The following INTS8 variants were observed in gnomAD, a reference collection of about 807,000 sequenced individuals.
The protein encoded by INTS8 is protein kaonashi-1.
Under a neutral mutation model 138.9 loss-of-function variants are expected in INTS8, and 47 were observed. That is an observed-to-expected ratio of 0.34 (90% CI 0.27 to 0.43). The LOEUF (loss-of-function observed/expected upper bound fraction) is 0.43, where lower values mean the gene tolerates loss of function less well. INTS8 is among the 20% of genes least tolerant of loss of function. INTS8 has a pLI of 1.00. For missense variants in INTS8, 996 were observed against 1,173.0 expected (o/e 0.85, Z 2.20); for synonymous variants, 392 against 400.9 (o/e 0.98, Z 0.27).
intron 10 of INTS8, among the ~76,000 whole-genome samples, chr8:94,845,344 C>T (rs560588052): frequency 3.9e-5 from 6 of 152,162 alleles, no homozygotes; most frequent in East Asian, 3.9e-4. Context: ...TATTGTATGC[C>T]GGGTGTTTAT....
chr8:94,859,484 C>G (rs765098419), intron 15 of INTS8, 27 bp from the exon 16 acceptor site: 1 of 1,604,770 alleles, frequency 6.2e-7, no homozygotes, highest in South Asian at 1.1e-5. Context: ...GATGGTAATT[C>G]CAACTGTTTT....
At chr8:94,856,477 T>C (rs1330471289) in intron 14 of INTS8, among the ~76,000 whole-genome samples, 1 of 152,258 alleles carries the variant, frequency 6.6e-6, no homozygotes, top group Admixed American at 6.5e-5. Context: ...GTGCTTGTTA[T>C]AGAATTTACA....
chr8:94,869,099 C>T (rs1412310969), intron 20 of INTS8, among the ~76,000 whole-genome samples: 1 of 151,736 alleles, frequency 6.6e-6, no homozygotes, highest in African/African-American at 2.4e-5. Flanking sequence ...TCTCCTGCCT[C>T]AGGCTCCCGA....
rs183337632 is a variant in INTS8 at position 94,827,259 on chromosome 8, C to A, written c.306-4C>A. The A allele has an allele frequency of 1.6e-5, 26 of 1,612,326 alleles. No individual in the cohort carries two copies. The East Asian group carries it at 5.8e-4, about 36-fold the overall frequency. On this transcript the variant is annotated splice_region_variant and splice_polypyrimidine_tract_variant and intron_variant, in intron 2 of 26. Coordinates refer to ENST00000523731, the MANE Select transcript of INTS8 (RefSeq NM_017864.4). ...TGCAAACATGTACGTTTTGCTTCTT[C>A]AAGTTTGTCTGTTCCAGTATTGAAT... is the stretch of plus-strand genomic sequence containing the variant.
chr8:94,876,519 T>C, intron 26 of INTS8, 30 bp downstream of exon 26: 2 of 1,411,704 alleles, frequency 1.4e-6, no homozygotes, highest in Non-Finnish European at 2.0e-6. Context: ...TCTTCAGTGG[T>C]ACAGTTTCCA....
At chr8:94,829,369 C>T (rs1290419752) in intron 5 of INTS8, among the ~76,000 whole-genome samples, 1 of 151,870 alleles carries the variant, frequency 6.6e-6, no homozygotes, top group African/African-American at 2.4e-5. Flanking sequence ...CATTAATTCT[C>T]ACAAGGAGGA....
At chr8:94,872,431 G>A (rs183483572) in intron 21 of INTS8, among the ~76,000 whole-genome samples, 23 of 152,148 alleles carry the variant, frequency 1.5e-4, no homozygotes, top group East Asian at 3.9e-4. Flanking sequence ...ACGGGTTTTC[G>A]CCATGTTGGC....
chr8:94,877,331 A>G (rs1293632459), intron 26 of INTS8, among the ~76,000 whole-genome samples: 1 of 152,190 alleles, frequency 6.6e-6, no homozygotes, highest in Non-Finnish European at 1.5e-5. Flanking sequence ...GGTCTTTTAA[A>G]CTTTGTACTC....
In INTS8 at chr8:94,842,065, T is replaced by C. The variant is rs111664449; in HGVS notation, c.1119-282T>C. On this transcript the variant is annotated intron_variant, in intron 9 of 26. Transcript: ENST00000523731. Reference sequence around the variant, plus strand: ...GCCTGGGTGACAAAGCAAGACTCCGTCTCAAAAGAAAAAAAAAAAAAAACT... The same window carrying C: ...GCCTGGGTGACAAAGCAAGACTCCGCCTCAAAAGAAAAAAAAAAAAAAACT... Among the ~76,000 whole-genome samples, 730 of 143,210 alleles carry C rather than the reference T, an allele frequency of 5.1e-3. 3 individuals carry two copies. Among genetic ancestry groups the C allele is most frequent in the African/African-American group, 0.017 (668 of 38,484 alleles). The allele number at this position is 143,210 out of a possible 152,430, so 94.0% of individuals were successfully genotyped here. A position where few individuals can be genotyped will look rare whatever the true frequency, so the allele number is the denominator to read the frequency against.
intron 18 of INTS8, 33 bp from the exon 19 acceptor site, chr8:94,867,107 C>T (rs1189467495): frequency 6.7e-7 from 1 of 1,498,924 alleles, no homozygotes; most frequent in East Asian, 2.3e-5. Context: ...TATACATACA[C>T]TGTTTAAGGA....
chr8:94,839,459 T>A (rs886077655), intron 8 of INTS8, among the ~76,000 whole-genome samples: 2 of 152,256 alleles, frequency 1.3e-5, no homozygotes, highest in African/African-American at 4.8e-5. Flanking sequence ...CTTAGTTTTG[T>A]GTCTCCAATT....
At chr8:94,850,766 T>C (rs1157725919) in intron 12 of INTS8, among the ~76,000 whole-genome samples, 4 of 152,182 alleles carry the variant, frequency 2.6e-5, no homozygotes, top group Non-Finnish European at 4.4e-5. Context: ...TGTCAGTCTA[T>C]ATCACTGTGC....
At chr8:94,854,868 A>G (rs997640870) in intron 14 of INTS8, among the ~76,000 whole-genome samples, 1 of 151,590 alleles carries the variant, frequency 6.6e-6, no homozygotes, top group African/African-American at 2.4e-5. Flanking sequence ...AGTAGCTGGA[A>G]CCACAGGCAT....
At chr8:94,873,680 A>C (rs989243889) in intron 22 of INTS8, 2 of 492,980 alleles carry the variant, frequency 4.1e-6, no homozygotes. Context: ...AACACCTCAA[A>C]TTCAACTTGT....
intron 10 of INTS8, among the ~76,000 whole-genome samples, chr8:94,849,258 T>C (rs1001643744): frequency 2.0e-5 from 3 of 152,210 alleles, no homozygotes; most frequent in Admixed American, 2.0e-4. Flanking sequence ...CCTGCACTTA[T>C]TAAAATGGTC....
chr8:94,829,294 G>A (rs1250367426), intron 5 of INTS8, among the ~76,000 whole-genome samples: 1 of 151,816 alleles, frequency 6.6e-6, no homozygotes, highest in Non-Finnish European at 1.5e-5. Context: ...GGAACCCTGA[G>A]CTTGTTTTCC....
At chr8:94,834,171 G>T (rs1052113571) in intron 6 of INTS8, among the ~76,000 whole-genome samples, 1 of 152,084 alleles carries the variant, frequency 6.6e-6, no homozygotes, top group East Asian at 1.9e-4. Context: ...GCCCTTCAGG[G>T]CAGCTTCATT....
intron 4 of INTS8, among the ~76,000 whole-genome samples, chr8:94,828,188 G>C: frequency 6.6e-6 from 1 of 151,766 alleles, no homozygotes; most frequent in East Asian, 1.9e-4. Flanking sequence ...TGCAGGTGTG[G>C]GCCACCAAGC....
rs556854884 is a variant in INTS8 at position 94,865,430 on chromosome 8, A to T, written c.2077-76A>T. The T allele has an allele frequency of 9.2e-5, 106 of 1,152,026 alleles. No individual in the cohort carries two copies. The African/African-American group carries it at 1.5e-3, about 17-fold the overall frequency. 71.4% of individuals were successfully genotyped at this position (1,152,026 alleles called of 1,614,324 possible). A position where few individuals can be genotyped will look rare whatever the true frequency, so the allele number is the denominator to read the frequency against. On this transcript the variant is annotated intron_variant, in intron 16 of 26. Transcript: ENST00000523731. ...TGGGCAGTCATTCCATCTTTCCTCC[A>T]GTGTGCCTTGATAATAGAACTAATG...
Sources: allele counts gnomAD v4.1 joint callset (sites outside exome capture counted in the v4.1 genomes callset), GRCh38; gene constraint gnomAD v4.1.1; transcripts MANE v1.5; gene names NCBI Gene and HGNC (gene_info 2026-07-23, HGNC 2026-07-21).